Variants in TTC7B observed in about 807,000 individuals in gnomAD.
TTC7B encodes the protein tetratricopeptide repeat protein 7B.
A neutral mutation model predicts 106.8 loss-of-function variants in TTC7B; 28 were observed. The ratio of observed to expected loss-of-function variants is 0.26; its 90% confidence interval spans 0.19 to 0.36. The LOEUF is 0.36. Ranked by LOEUF, TTC7B falls within the 10% of genes least tolerant of loss-of-function variation. The pLI is 1.00. For missense variants in TTC7B, 862 were observed against 1,076.4 expected (o/e 0.80, Z 2.79); for synonymous variants, 405 against 430.6 (o/e 0.94, Z 0.74).
At chr14:90,648,735 A>G (rs1231866217) in intron 13 of TTC7B, 4 of 152,260 alleles carry the variant, frequency 2.6e-5, no homozygotes, top group African/African-American at 9.6e-5. Flanking sequence ...GAATTTGTAC[A>G]TCAAAGAATA....
At chr14:90,645,413 G>A (rs1411962986) in intron 14 of TTC7B, among the ~76,000 whole-genome samples, 1 of 152,144 alleles carries the variant, frequency 6.6e-6, no homozygotes, top group Non-Finnish European at 1.5e-5. Context: ...AGGTGAAATG[G>A]CTTGGGAAAG....
Position 90,572,972 on chromosome 14 carries a change from C to T in TTC7B, c.2310+5134G>A, listed in dbSNP as rs547771589. On this transcript the variant is annotated intron_variant, in intron 19 of 19. Transcript: ENST00000328459. ...CCCTAGCCACCGCCCGTCTCTCCTC[C>T]CCATCACTTTCCCCTTCTCCTTGGT... Among the ~76,000 whole-genome samples, 11 of 152,168 alleles carry T rather than the reference C, an allele frequency of 7.2e-5. No homozygotes were observed. The South Asian group carries it at 2.3e-3, about 32-fold the overall frequency.
At chr14:90,770,357 G>T (rs1443220517) in intron 3 of TTC7B, among the ~76,000 whole-genome samples, 1 of 152,138 alleles carries the variant, frequency 6.6e-6, no homozygotes, top group East Asian at 1.9e-4. Context: ...CCTCTCTTAA[G>T]AATGAATAGA....
Position 90,663,064 on chromosome 14 carries a change from G to A in TTC7B, c.1153-4677C>T, listed in dbSNP as rs1011017308. Reference sequence around the variant, plus strand: ...ATTCTTTATTACTTTAACAAGTGTGGTAACACTTACTCTGTAGCCAGGCAC... The same window carrying A: ...ATTCTTTATTACTTTAACAAGTGTGATAACACTTACTCTGTAGCCAGGCAC... On this transcript the variant is annotated intron_variant, in intron 9 of 19. Transcript: ENST00000328459. This position sits in a 1 kb window ranked among gnomAD's most constrained non-coding sequence, Gnocchi z 4.5. 1.3e-5 allele frequency among the ~76,000 whole-genome samples: 2 copies of A among 152,214 alleles called. No individual in the cohort carries two copies. Among genetic ancestry groups the A allele is most frequent in the African/African-American group, 4.8e-5 (2 of 41,452 alleles).
intron 17 of TTC7B, chr14:90,602,327 A>G: frequency 2.4e-6 from 1 of 417,324 alleles, no homozygotes; most frequent in Non-Finnish European, 4.8e-6. Flanking sequence ...TCGTCCAAAT[A>G]TATTTGACCA....
In TTC7B at chr14:90,550,828, G is replaced by A. The variant is rs145096505; in HGVS notation, c.2311-9239C>T. 7.7e-4 allele frequency among the ~76,000 whole-genome samples: 118 copies of A among 152,284 alleles called. No individual in the cohort carries two copies. The East Asian group carries it at 0.019, about 24-fold the overall frequency. On this transcript the variant is annotated intron_variant, in intron 19 of 19. Coordinates refer to ENST00000328459, the MANE Select transcript of TTC7B (RefSeq NM_001010854.2). ...TTGCTGGATAGATGGAGGGATGGAG[G>A]AGGGATGGTGTGGGATGCTGTGGGG...
rs78867698 is a variant in TTC7B, at chr14:90,632,679, C to T, written c.1751+11369G>A. On this transcript the variant is annotated intron_variant, in intron 15 of 19. Coordinates refer to ENST00000328459, the MANE Select transcript of TTC7B (RefSeq NM_001010854.2). ...ATGCTTCAAAGTCAGTTCGTGGTTACGAGCACAGATGGCGAGGCCAGATTG... is the reference window on the plus strand; with the variant it reads ...ATGCTTCAAAGTCAGTTCGTGGTTATGAGCACAGATGGCGAGGCCAGATTG... Among the ~76,000 whole-genome samples the T allele has an allele frequency of 8.3e-4, 127 of 152,310 alleles. 1 individual carries two copies. Among genetic ancestry groups the T allele is most frequent in the African/African-American group, 2.9e-3 (120 of 41,578 alleles).
At chr14:90,784,194 C>T (rs1308254962) in intron 2 of TTC7B, among the ~76,000 whole-genome samples, 1 of 152,074 alleles carries the variant, frequency 6.6e-6, no homozygotes, top group Non-Finnish European at 1.5e-5. Context: ...TGATCAAGAC[C>T]TACCACCTGT....
chr14:90,591,528 T>C (rs756423519), intron 18 of TTC7B, among the ~76,000 whole-genome samples: 5 of 152,244 alleles, frequency 3.3e-5, no homozygotes, highest in Non-Finnish European at 5.9e-5. Context: ...TGGAATATGT[T>C]GACTTTCAGG....
rs1889550884 is a variant in TTC7B, at chr14:90,540,885, G to A, written c.*483C>T. 2 of 156,408 alleles carry A rather than the reference G, an allele frequency of 1.3e-5. No homozygotes were observed. Among genetic ancestry groups the A allele is most frequent in the African/African-American group, 4.8e-5 (2 of 41,704 alleles). 9.7% of individuals were successfully genotyped at this position (156,408 alleles called of 1,614,324 possible). ...CAGTAAAACCAAGAAATTGTCAGCTGGTGTCCTGGCATGGACTAGTGCTGA... is the reference window on the plus strand; with the variant it reads ...CAGTAAAACCAAGAAATTGTCAGCTAGTGTCCTGGCATGGACTAGTGCTGA... On this transcript the variant is annotated 3_prime_UTR_variant, in exon 20 of 20. Transcript: ENST00000328459.
rs1331079550 is a variant in TTC7B at position 90,608,855 on chromosome 14, T to C, written c.1966+1887A>G. Among the ~76,000 whole-genome samples, 1 of 152,152 alleles carries C rather than the reference T, an allele frequency of 6.6e-6. No homozygotes were observed. Among genetic ancestry groups the C allele is most frequent in the Middle Eastern group, 3.2e-3 (1 of 316 alleles). Reference sequence around the variant, plus strand: ...TAAAGTCTTGGGACCTCCAGGGAAATTAAGGTCCAGGCCAGCTGGAAGGAA... The same window carrying C: ...TAAAGTCTTGGGACCTCCAGGGAAACTAAGGTCCAGGCCAGCTGGAAGGAA... On this transcript the variant is annotated intron_variant, in intron 17 of 19. Transcript: ENST00000328459. This position sits in a 1 kb window ranked among gnomAD's most constrained non-coding sequence, Gnocchi z 5.1.
Position 90,663,225 on chromosome 14 carries a change from C to T in TTC7B, c.1153-4838G>A, listed in dbSNP as rs754962993. 2.6e-5 allele frequency among the ~76,000 whole-genome samples: 4 copies of T among 152,120 alleles called. No individual in the cohort carries two copies. The highest frequency in any genetic ancestry group is 2.1e-4 in the South Asian group (1 of 4,822). On this transcript the variant is annotated intron_variant, in intron 9 of 19. Transcript: ENST00000328459. The surrounding 1 kb of genome is among the most constrained non-coding windows in gnomAD (Gnocchi z 4.5). ...GATGCAGAGTTGTTAAGGGGGTACGCGGGCCTCAGAGTTGGTGGTGGAGCC... is the reference window on the plus strand; with the variant it reads ...GATGCAGAGTTGTTAAGGGGGTACGTGGGCCTCAGAGTTGGTGGTGGAGCC...
intron 9 of TTC7B, among the ~76,000 whole-genome samples, chr14:90,670,600 C>T (rs568635177): frequency 1.4e-4 from 21 of 152,306 alleles, no homozygotes; most frequent in African/African-American, 4.8e-4. Flanking sequence ...AGAGTTTAAA[C>T]CCCTTCCATT....
At chr14:90,556,763 G>A (rs1351083263) in intron 19 of TTC7B, among the ~76,000 whole-genome samples, 4 of 152,144 alleles carry the variant, frequency 2.6e-5, no homozygotes, top group African/African-American at 4.8e-5. Context: ...GGCCATGTGC[G>A]CCAGGCCAGG....
At chr14:90,543,661 A>C (rs911166439) in intron 19 of TTC7B, among the ~76,000 whole-genome samples, 2 of 152,242 alleles carry the variant, frequency 1.3e-5, no homozygotes, top group Non-Finnish European at 2.9e-5. Context: ...GTCAAATTGC[A>C]CTTGCATTAC....
At chr14:90,597,242 A>C (rs1892241207) in intron 17 of TTC7B, among the ~76,000 whole-genome samples, 1 of 152,250 alleles carries the variant, frequency 6.6e-6, no homozygotes, top group Admixed American at 6.5e-5. Flanking sequence ...GAAATTATAT[A>C]AGTTGGTATC....
In TTC7B at chr14:90,730,087, T is replaced by C. The variant is rs1889267012; in HGVS notation, c.686A>G (p.Tyr229Cys). ...GAAGATGGCTTACCCATTTTTGAAA[T>C]AGAGGACATGGGCTCTCTGAAGTCC... ...ETGLQRAHVL[Y>C]FKNGNLTRGV... Residue 229 changes from tyrosine (Y) to cysteine (C), a missense_variant, in exon 5 of 20, where the codon TAT becomes TGT. Transcript: ENST00000328459. 1 of 1,603,174 alleles carries C rather than the reference T, an allele frequency of 6.2e-7. No individual in the cohort carries two copies. The highest frequency in any genetic ancestry group is 1.3e-5 in the African/African-American group (1 of 74,196).
At chr14:90,673,060 A>C (rs1443640765) in intron 9 of TTC7B, among the ~76,000 whole-genome samples, 1 of 152,094 alleles carries the variant, frequency 6.6e-6, no homozygotes, top group Non-Finnish European at 1.5e-5. Flanking sequence ...AAGCTCTCTG[A>C]CTCTAGAGCC....
At chr14:90,785,815 G>A (rs574834725) in intron 2 of TTC7B, among the ~76,000 whole-genome samples, 7 of 152,288 alleles carry the variant, frequency 4.6e-5, no homozygotes, top group African/African-American at 1.4e-4. Flanking sequence ...GAAGCTGTGC[G>A]CTGAGCATCC....
Sources: gnomAD v4.1 joint callset for allele counts (sites outside exome capture counted in the v4.1 genomes callset) on GRCh38, gnomAD v4.1.1 for gene constraint, Gnocchi (gnomAD v3.1) non-coding constraint, MANE v1.5 for transcripts, NCBI Gene and HGNC (gene_info 2026-07-23, HGNC 2026-07-21) for gene names.